HHAT: variants seen among roughly 807,000 people sequenced by gnomAD.
The protein encoded by HHAT is protein-cysteine N-palmitoyltransferase HHAT.
HHAT carries 47 observed loss-of-function variants against 70.8 expected under a neutral mutation model. The ratio of observed to expected loss-of-function variants is 0.66; its 90% CI spans 0.53 to 0.85. HHAT has a LOEUF of 0.85. Among genes scored for constraint, HHAT ranks in the 40% least tolerant of loss-of-function variants. HHAT has a pLI of 0.00. For synonymous variants in HHAT, 228 were observed against 247.6 expected, an observed-to-expected ratio of 0.92 and a Z score of 0.74; for missense variants, 609 against 604.8, an observed-to-expected ratio of 1.01 and a Z score of -0.07.
chr1:210,354,087 C>G (rs2087343283), intron 2 of HHAT, among the ~76,000 whole-genome samples: 2 of 152,010 alleles, frequency 1.3e-5, no homozygotes, highest in Admixed American at 6.6e-5. Flanking sequence ...GGAGGAGATC[C>G]ATTTTTCTGT....
At chr1:210,569,757 C>T (rs1220947891) in intron 9 of HHAT, among the ~76,000 whole-genome samples, 3 of 152,094 alleles carry the variant, frequency 2.0e-5, no homozygotes, top group African/African-American at 7.2e-5. Flanking sequence ...CTGGGAGCCA[C>T]CCCTCAGAAT....
At chr1:210,570,339 A>G (rs1022773346) in intron 9 of HHAT, among the ~76,000 whole-genome samples, 2 of 152,008 alleles carry the variant, frequency 1.3e-5, no homozygotes, top group African/African-American at 4.8e-5. Flanking sequence ...TCCCAAGGGG[A>G]CTTTGGATGA....
upstream of HHAT, among the ~76,000 whole-genome samples, chr1:210,328,668 C>T (rs1328373402): frequency 1.3e-5 from 2 of 152,244 alleles, no homozygotes; most frequent in Non-Finnish European, 2.9e-5. Context: ...AATTAACTTG[C>T]AGGCAGCCCC....
chr1:210,344,630 A>G (rs1391370892), intron 1 of HHAT, among the ~76,000 whole-genome samples: 3 of 152,118 alleles, frequency 2.0e-5, no homozygotes, highest in Admixed American at 2.0e-4. Flanking sequence ...AATTCAACAA[A>G]AGCCAGACAT....
intron 3 of HHAT, among the ~76,000 whole-genome samples, chr1:210,369,493 A>G (rs1051202904): frequency 6.6e-6 from 1 of 152,272 alleles, no homozygotes; most frequent in Non-Finnish European, 1.5e-5. Context: ...TGGCTTATTT[A>G]TAAATGCCTC....
chr1:210,386,639 C>T (rs1408674686), intron 3 of HHAT, among the ~76,000 whole-genome samples: 1 of 152,164 alleles, frequency 6.6e-6, no homozygotes, highest in Non-Finnish European at 1.5e-5. Context: ...GCCAAGCCTG[C>T]ATTGCCTGTT....
At chr1:210,428,059 C>T (rs1353434899) in intron 7 of HHAT, among the ~76,000 whole-genome samples, 1 of 151,572 alleles carries the variant, frequency 6.6e-6, no homozygotes, top group Middle Eastern at 3.2e-3. Flanking sequence ...CCTTCATTGT[C>T]TTTTTTGAAC....
chr1:210,452,528 A>G (rs1422876828), intron 7 of HHAT, among the ~76,000 whole-genome samples: 2 of 152,254 alleles, frequency 1.3e-5, no homozygotes, highest in Non-Finnish European at 2.9e-5. Flanking sequence ...AGCAAATCCC[A>G]GATATCTTAT....
Position 210,667,013 on chromosome 1 carries a change from G to C in HHAT, c.1391-7275G>C, listed in dbSNP as rs199685418. On this transcript the variant is annotated intron_variant, in intron 11 of 11. Transcript: ENST00000261458. ...GAGAACGGCGTGAACCCGGAAGGCA[G>C]AGCTTGCAGTGAGCCGAGATTGCAC... Among the ~76,000 whole-genome samples the C allele has an allele frequency of 1.4e-4, 21 of 151,710 alleles. No homozygotes were observed. The East Asian group carries it at 4.1e-3, about 30-fold the overall frequency.
rs551414720 is a variant in HHAT at position 210,608,737 on chromosome 1, A to T, written c.1246-14789A>T. Among the ~76,000 whole-genome samples, 500 of 152,280 alleles carry T rather than the reference A, an allele frequency of 3.3e-3. 6 individuals carry two copies. Among genetic ancestry groups the T allele is most frequent in the African/African-American group, 0.012 (480 of 41,548 alleles). On this transcript the variant is annotated intron_variant, in intron 10 of 11. Coordinates refer to ENST00000261458, the MANE Select transcript of HHAT (RefSeq NM_018194.6). The stretch of plus-strand genomic sequence containing the variant: ...TATGAAGAACAGAAATTTATTTCCT[A>T]GAGTCCTGGAGGCTGGGAGTCAAAG...
intron 3 of HHAT, among the ~76,000 whole-genome samples, chr1:210,376,305 T>A (rs1418696974): frequency 6.6e-6 from 1 of 152,232 alleles, no homozygotes; most frequent in Non-Finnish European, 1.5e-5. Flanking sequence ...TTATTGTCGT[T>A]CCTTAGGCCC....
intron 11 of HHAT, among the ~76,000 whole-genome samples, chr1:210,640,271 A>G (rs920286286): frequency 2.0e-5 from 3 of 152,188 alleles, no homozygotes; most frequent in African/African-American, 7.2e-5. Flanking sequence ...TATCCAAATA[A>G]TCAGTGTCTG....
intron 11 of HHAT, among the ~76,000 whole-genome samples, chr1:210,651,458 A>C (rs1476223945): frequency 6.6e-6 from 1 of 152,162 alleles, no homozygotes; most frequent in Non-Finnish European, 1.5e-5. Flanking sequence ...ACAAGGGAAG[A>C]AGTGCATCAC....
intron 8 of HHAT, among the ~76,000 whole-genome samples, chr1:210,475,883 AGG>A (rs2094298392): frequency 6.6e-6 from 1 of 152,174 alleles, no homozygotes; most frequent in African/African-American, 2.4e-5. Context: ...AATCCCTGTT[AGG>A]ATTAACTTAT....
intron 2 of HHAT, among the ~76,000 whole-genome samples, chr1:210,351,700 T>C (rs913523912): frequency 1.3e-5 from 2 of 152,210 alleles, no homozygotes; most frequent in African/African-American, 4.8e-5. Flanking sequence ...GGCTTTCAGC[T>C]GAGAGCTCAG....
At chr1:210,351,123 AT>A (rs2086981531) in intron 2 of HHAT, among the ~76,000 whole-genome samples, 1 of 152,156 alleles carries the variant, frequency 6.6e-6, no homozygotes, top group South Asian at 2.1e-4. Flanking sequence ...CAGTGGTGCA[AT>A]TCAGTTCAAG....
At chr1:210,620,193 AG>A in intron 10 of HHAT, among the ~76,000 whole-genome samples, 2 of 152,346 alleles carry the variant, frequency 1.3e-5, no homozygotes, top group Middle Eastern at 6.8e-3. Flanking sequence ...AGATTCCGAA[AG>A]TTAGATTTAT....
In HHAT at chr1:210,587,957, C is replaced by T. The variant is rs761470224; in HGVS notation, c.1103C>T (p.Thr368Met). ...GGCCTGCTGGGGACACTGTTTTCCA[C>T]GGCGATGACATTTGCATTTGTGAGC... ...QHGLLGTLFSTAMTFAFVSYW... is the reference protein window; with the variant it reads ...QHGLLGTLFSMAMTFAFVSYW... Residue 368 changes from threonine (T) to methionine (M), a missense_variant, in exon 10 of 12, where the codon ACG becomes ATG. By Grantham distance (81) the Thr-to-Met change is moderately conservative. Transcript: ENST00000261458. The T allele has an allele frequency of 2.4e-5, 38 of 1,613,992 alleles. No homozygotes were observed. In the Admixed American group the frequency reaches 2.7e-4, roughly 11 times the overall value.
intron 8 of HHAT, among the ~76,000 whole-genome samples, chr1:210,472,131 A>G (rs1358384951): frequency 6.6e-6 from 1 of 152,188 alleles, no homozygotes; most frequent in Non-Finnish European, 1.5e-5. Context: ...AGCTTTGAAA[A>G]TGTCTGTCCC....
Sources: allele counts gnomAD v4.1 joint callset (sites outside exome capture counted in the v4.1 genomes callset), GRCh38; gene constraint gnomAD v4.1.1; transcripts MANE v1.5; gene names NCBI Gene and HGNC (gene_info 2026-07-23, HGNC 2026-07-21).